DDX43: variants seen among roughly 807,000 people sequenced by gnomAD.
The protein encoded by DDX43 is DEAD-box helicase 43.
DDX43 carries 50 observed loss-of-function variants against 84.9 expected under a neutral mutation model. That is an observed-to-expected ratio of 0.59 (90% CI 0.47 to 0.75). The LOEUF is 0.75. Ranked by LOEUF, DDX43 falls within the 30% of genes least tolerant of loss-of-function variation. DDX43 has a pLI of 0.00. For synonymous variants in DDX43, 291 were observed against 266.3 expected, an observed-to-expected ratio of 1.09 and a Z score of -0.90; for missense variants, 689 against 798.6, an observed-to-expected ratio of 0.86 and a Z score of 1.65.
rs778318746 is a variant in DDX43, at chr6:73,408,121, T to G, written c.1179+20T>G. The G allele has an allele frequency of 1.9e-6, 3 of 1,610,898 alleles. No homozygotes were observed. The highest frequency in any genetic ancestry group is 2.5e-6 in the Non-Finnish European group (3 of 1,178,848). On this transcript the variant is annotated intron_variant, in intron 9 of 16. Transcript: ENST00000370336. ...TACTTGGTAATCATGGAAATAGGGG[T>G]TTGAGATGCTGGGTTCAAAAATAAC...
chr6:73,400,554 A>G (rs898111971), intron 3 of DDX43, among the ~76,000 whole-genome samples, 191 bp downstream of exon 3: 1 of 152,232 alleles, frequency 6.6e-6, no homozygotes, highest in Non-Finnish European at 1.5e-5. Context: ...CTCTATGTTC[A>G]TGCCTAGCAG....
At chr6:73,396,895 A>AT (rs1254147313) in intron 1 of DDX43, among the ~76,000 whole-genome samples, 3 of 152,096 alleles carry the variant, frequency 2.0e-5, no homozygotes, top group African/African-American at 4.8e-5. Flanking sequence ...ATGAGACAGG[A>AT]TTTTTTTCCT....
chr6:73,406,754 T>A (rs1199287045), intron 7 of DDX43, among the ~76,000 whole-genome samples: 1 of 152,222 alleles, frequency 6.6e-6, no homozygotes, highest in African/African-American at 2.4e-5. Flanking sequence ...TATTCCATGA[T>A]AAAATATTTG....
At chr6:73,412,549 T>A (rs1485421524) in intron 11 of DDX43, among the ~76,000 whole-genome samples, 1 of 150,996 alleles carries the variant, frequency 6.6e-6, no homozygotes, top group African/African-American at 2.4e-5. Context: ...TGTGTCAGAG[T>A]CTCACTGTAT....
chr6:73,410,030 CAAAA>C (rs200732786), intron 10 of DDX43, among the ~76,000 whole-genome samples: 1 of 94,268 alleles, frequency 1.1e-5, no homozygotes, highest in Non-Finnish European at 2.1e-5. Flanking sequence ...AAATCTGTCT[CAAAA>C]AAAAAAAAAA....
chr6:73,413,588 T>A, intron 11 of DDX43, 70 bp from the exon 12 acceptor site: 3 of 1,430,678 alleles, frequency 2.1e-6, no homozygotes, highest in East Asian at 2.5e-5. Flanking sequence ...AGATGCATTT[T>A]GAGCTGATGT....
chr6:73,408,041 C>CAATT lies in DDX43; in HGVS notation c.1119_1120insAATT (p.Gly374AsnfsTer6). The CAATT allele has an allele frequency of 6.2e-7, 1 of 1,613,558 alleles. No homozygotes were observed. The highest frequency in any genetic ancestry group is 8.5e-7 in the Non-Finnish European group (1 of 1,179,784). ...GTGTAGATATCATAATTGCAACTCCCGGAAGATTGAATGATCTGCAAATGA... is the reference window on the plus strand; with the variant it reads ...GTGTAGATATCATAATTGCAACTCCCAATTGGAAGATTGAATGATCTGCAAATGA... On this transcript the variant is annotated frameshift_variant, in exon 9 of 17. Transcript: ENST00000370336. LOFTEE classifies it high-confidence loss of function.
chr6:73,395,117 G>A lies in DDX43; in HGVS notation c.212G>A (p.Cys71Tyr). The A allele has an allele frequency of 1.2e-6, 2 of 1,614,054 alleles. No individual in the cohort carries two copies. The highest frequency in any genetic ancestry group is 1.7e-6 in the Non-Finnish European group (2 of 1,179,918). The stretch of plus-strand genomic sequence containing the variant: ...GCTGGTCACGAGGAACTGCCGCTGT[G>A]TTTTGCTTTGAAGAGCCACTTTGTT... ...VAAGHEELPL[C>Y]FALKSHFVGA... The change falls in exon 1 of 17, where the codon TGT becomes TAT. Residue 71 changes from cysteine to tyrosine, a missense_variant. Coordinates refer to ENST00000370336, the MANE Select transcript of DDX43 (RefSeq NM_018665.3).
At chr6:73,401,156 G>A (rs767723566) in intron 3 of DDX43, among the ~76,000 whole-genome samples, 16 of 151,932 alleles carry the variant, frequency 1.1e-4, no homozygotes, top group Non-Finnish European at 2.1e-4. Context: ...TAAATTTTTT[G>A]TAGAGTAGAG....
At chr6:73,402,727 T>C (rs1004384100) in intron 4 of DDX43, among the ~76,000 whole-genome samples, 3 of 152,138 alleles carry the variant, frequency 2.0e-5, no homozygotes, top group African/African-American at 7.2e-5. Flanking sequence ...TTATGATGTG[T>C]GCCAGCAAGC....
intron 13 of DDX43, 32 bp from the exon 14 acceptor site, chr6:73,414,516 T>C (rs1769865452): frequency 8.2e-6 from 13 of 1,583,132 alleles, no homozygotes; most frequent in Non-Finnish European, 1.1e-5. Flanking sequence ...TATACCAGAA[T>C]GGTTCAGTGT....
intron 14 of DDX43, 57 bp downstream of exon 14, chr6:73,414,743 C>T (rs1582642840): frequency 6.7e-7 from 1 of 1,493,256 alleles, no homozygotes; most frequent in Non-Finnish European, 9.0e-7. Flanking sequence ...TTATTCCTCT[C>T]ACAAACTTCT....
chr6:73,414,159 A>G lies in DDX43; in HGVS notation c.1606+80A>G, dbSNP rs1769858924. ...CTTGGCTGAGTAACATCTTTTCATG[A>G]AACCCATTTATTTCTAAGATCTGTC... is the stretch of plus-strand genomic sequence containing the variant. On this transcript the variant is annotated intron_variant, in intron 13 of 16. Transcript: ENST00000370336. 10 of 816,586 alleles carry G rather than the reference A, an allele frequency of 1.2e-5. No individual in the cohort carries two copies. In the South Asian group the frequency reaches 1.2e-4, roughly 10 times the overall value. 50.6% of individuals were successfully genotyped at this position (816,586 alleles called of 1,614,324 possible). A position where few individuals can be genotyped will look rare whatever the true frequency, so the allele number is the denominator to read the frequency against.
intron 4 of DDX43, among the ~76,000 whole-genome samples, chr6:73,403,093 C>T (rs2150792157): frequency 6.6e-6 from 1 of 152,266 alleles, no homozygotes; most frequent in Non-Finnish European, 1.5e-5. Context: ...CCTGTGTGGC[C>T]TAAACAGTTT....
rs751141466 is a variant in DDX43 at position 73,407,994 on chromosome 6, C to G, written c.1072C>G (p.Gln358Glu). The G allele has an allele frequency of 5.6e-6, 9 of 1,613,442 alleles. 1 individual carries two copies. The South Asian group carries it at 8.8e-5, about 16-fold the overall frequency. Residue 358 changes from glutamine to glutamate, a missense_variant, in exon 9 of 17, where the codon CAA (glutamine) becomes GAA (glutamate). This residue lies in a region of DDX43 where 552 missense variants were observed against 692.7 expected (regional missense o/e 0.80). Coordinates refer to ENST00000370336, the MANE Select transcript of DDX43 (RefSeq NM_018665.3). ...ATATGGTGGTGGAAATAGAGATGAA[C>G]AAATAGAAGAGCTTAAAAAAGGTGT... is the stretch of plus-strand genomic sequence containing the variant. Reference protein sequence around the residue: ...CVYGGGNRDEQIEELKKGVDI... With the variant: ...CVYGGGNRDEEIEELKKGVDI...
chr6:73,411,073 G>C (rs1349474472), intron 10 of DDX43, among the ~76,000 whole-genome samples: 1 of 149,392 alleles, frequency 6.7e-6, no homozygotes, highest in Middle Eastern at 3.4e-3. Flanking sequence ...CTACTCGGGA[G>C]CCTGAGGCAG....
At chr6:73,401,295 A>G (rs1769563852) in intron 3 of DDX43, among the ~76,000 whole-genome samples, 1 of 152,190 alleles carries the variant, frequency 6.6e-6, no homozygotes, top group Admixed American at 6.5e-5. Context: ...TACTCATCTG[A>G]GATAATATCT....
At chr6:73,416,346 C>A in intron 16 of DDX43, 95 bp downstream of exon 16, 1 of 600,496 alleles carries the variant, frequency 1.7e-6, no homozygotes, top group Non-Finnish European at 3.0e-6. Flanking sequence ...ATCTCTAAGT[C>A]ATTAACATAA....
intron 2 of DDX43, 136 bp downstream of exon 2, chr6:73,397,880 C>T (rs1036401801): frequency 9.4e-6 from 6 of 640,498 alleles, no homozygotes; most frequent in South Asian, 2.4e-5. Context: ...TCAGTACAAC[C>T]TCTGCCTCCT....
Sources: gnomAD v4.1 joint callset for allele counts (sites outside exome capture counted in the v4.1 genomes callset) on GRCh38, gnomAD v4.1.1 for gene constraint, gnomAD v4.1.1 regional missense constraint, MANE v1.5 for transcripts, NCBI Gene and HGNC (gene_info 2026-07-23, HGNC 2026-07-21) for gene names.